LIN7A: variants seen among roughly 807,000 people sequenced by gnomAD.
LIN7A encodes protein lin-7 homolog A.
Under a neutral mutation model 29.8 loss-of-function variants are expected in LIN7A, and 25 were observed. The ratio of observed to expected loss-of-function variants is 0.84; its 90% CI spans 0.61 to 1.17. LIN7A has a LOEUF of 1.17. LIN7A is among the 50% of genes most tolerant of loss of function. The pLI, the probability that LIN7A is intolerant of heterozygous loss-of-function variation, is 0.00. For synonymous variants in LIN7A, 118 were observed against 107.5 expected (o/e 1.10, Z -0.60); for missense variants, 239 against 287.0 (o/e 0.83, Z 1.21).
intron 2 of LIN7A, among the ~76,000 whole-genome samples, chr12:80,885,815 T>C (rs1383650651): frequency 6.6e-6 from 1 of 152,114 alleles, no homozygotes; most frequent in Non-Finnish European, 1.5e-5. Flanking sequence ...ATTCTCTTCA[T>C]ACAGGTGCTG....
At chr12:80,888,568 G>A (rs1875455822) in intron 2 of LIN7A, among the ~76,000 whole-genome samples, 1 of 152,084 alleles carries the variant, frequency 6.6e-6, no homozygotes, top group Admixed American at 6.6e-5. Flanking sequence ...TCTAACTAAT[G>A]AATTATTACC....
chr12:80,936,883 G>A (rs1393852994), intron 1 of LIN7A: 2 of 152,244 alleles, frequency 1.3e-5, no homozygotes, highest in Non-Finnish European at 2.9e-5. Flanking sequence ...CGGTGGCACC[G>A]AGCTGGGAGA....
At chr12:80,892,930 T>C (rs1408444230) in intron 1 of LIN7A, among the ~76,000 whole-genome samples, 1 of 152,130 alleles carries the variant, frequency 6.6e-6, no homozygotes, top group Admixed American at 6.5e-5. Context: ...TAAACACGAA[T>C]GTGTTTAAGA....
chr12:80,893,275 G>A (rs1323106794), intron 1 of LIN7A, among the ~76,000 whole-genome samples: 3 of 152,176 alleles, frequency 2.0e-5, no homozygotes, highest in Non-Finnish European at 4.4e-5. Context: ...TAAGGCGGTC[G>A]TTAGCAAAGG....
chr12:80,894,504 T>A (rs1349161330), intron 1 of LIN7A, among the ~76,000 whole-genome samples: 1 of 152,202 alleles, frequency 6.6e-6, no homozygotes, highest in East Asian at 1.9e-4. Flanking sequence ...AATTTAAAAT[T>A]TATGCATTGC....
At chr12:80,875,362 G>C (rs1874631244) in intron 2 of LIN7A, among the ~76,000 whole-genome samples, 1 of 152,188 alleles carries the variant, frequency 6.6e-6, no homozygotes. Context: ...CAAAGGCAAA[G>C]AAAGCATAGC....
intron 4 of LIN7A, among the ~76,000 whole-genome samples, chr12:80,830,286 A>G (rs568180228): frequency 2.0e-5 from 3 of 152,370 alleles, no homozygotes; most frequent in South Asian, 4.1e-4. Context: ...TTTAAACACT[A>G]AAATAGAAAA....
intron 1 of LIN7A, among the ~76,000 whole-genome samples, chr12:80,906,593 A>T (rs1479000404): frequency 5.3e-5 from 8 of 151,762 alleles, no homozygotes; most frequent in African/African-American, 1.9e-4. Flanking sequence ...CTGTCTAATC[A>T]CTGTGGCATC....
chr12:80,819,376 A>C (rs1438984572), intron 4 of LIN7A, among the ~76,000 whole-genome samples: 1 of 152,206 alleles, frequency 6.6e-6, no homozygotes, highest in Non-Finnish European at 1.5e-5. Flanking sequence ...TATCACATTT[A>C]TCTCTTGGAA....
rs543882431 is a variant in LIN7A at position 80,848,072 on chromosome 12, C to T, written c.273+179G>A. On this transcript the variant is annotated intron_variant, in intron 3 of 5. Coordinates refer to ENST00000552864, the MANE Select transcript of LIN7A (RefSeq NM_004664.4). ...TCTTAAGCTACAGAAGCAGCAGAAA[C>T]GTTCAATTTTCCATTAGGATTTTTA... 31 of 687,348 alleles carry T rather than the reference C, an allele frequency of 4.5e-5. 1 individual carries two copies. In the Admixed American group the frequency reaches 5.9e-4, roughly 13 times the overall value. The allele number at this position is 687,348 out of a possible 1,614,324, so 42.6% of individuals were successfully genotyped here.
intron 5 of LIN7A, among the ~76,000 whole-genome samples, chr12:80,804,209 T>G (rs1870861197): frequency 6.6e-6 from 1 of 152,232 alleles, no homozygotes; most frequent in Non-Finnish European, 1.5e-5. Flanking sequence ...TATTTATCCT[T>G]TGTGTTACAA....
At chr12:80,863,654 C>A (rs2120429777) in intron 2 of LIN7A, among the ~76,000 whole-genome samples, 1 of 152,268 alleles carries the variant, frequency 6.6e-6, no homozygotes, top group Non-Finnish European at 1.5e-5. Flanking sequence ...GAAAACATAT[C>A]TTGATGTAGT....
intron 2 of LIN7A, among the ~76,000 whole-genome samples, chr12:80,886,208 T>G (rs1163143372): frequency 3.9e-5 from 6 of 152,128 alleles, no homozygotes; most frequent in African/African-American, 1.4e-4. Flanking sequence ...TTCAAAGTTT[T>G]TTTTTTTTGC....
intron 5 of LIN7A, 68 bp downstream of exon 5, chr12:80,811,397 A>C (rs570986465): frequency 1.6e-6 from 1 of 616,914 alleles, no homozygotes; most frequent in South Asian, 2.1e-5. Flanking sequence ...AAGTATATTC[A>C]TATATACATA....
Position 80,889,375 on chromosome 12 carries a change from TG to T in LIN7A, c.83-7del, listed in dbSNP as rs778049012. 8 of 1,473,310 alleles carry T rather than the reference TG, an allele frequency of 5.4e-6. No homozygotes were observed. The African/African-American group carries it at 1.1e-4, about 21-fold the overall frequency. The allele number at this position is 1,473,310 out of a possible 1,614,324, so 91.3% of individuals were successfully genotyped here. A position where few individuals can be genotyped will look rare whatever the true frequency, so the allele number is the denominator to read the frequency against. On this transcript the variant is annotated splice_region_variant and splice_polypyrimidine_tract_variant and intron_variant, in intron 1 of 5. Transcript: ENST00000552864. ...TTCAATTGCTCTTGCAACATCTGAA[TG>T]AAAAAAAATGAAAATAGAGAAACCT...
At chr12:80,869,393 T>A (rs1874311941) in intron 2 of LIN7A, among the ~76,000 whole-genome samples, 1 of 152,092 alleles carries the variant, frequency 6.6e-6, no homozygotes, top group Non-Finnish European at 1.5e-5. Flanking sequence ...CTATCACACT[T>A]CTAACCAGCT....
At chr12:80,894,879 A>T (rs1875804787) in intron 1 of LIN7A, among the ~76,000 whole-genome samples, 1 of 152,208 alleles carries the variant, frequency 6.6e-6, no homozygotes, top group Non-Finnish European at 1.5e-5. Context: ...ACAGTTAAAG[A>T]AAAATAAAAA....
chr12:80,886,388 C>G (rs921924626), intron 2 of LIN7A, among the ~76,000 whole-genome samples: 1 of 151,886 alleles, frequency 6.6e-6, no homozygotes, highest in South Asian at 2.1e-4. Context: ...AATTGAAGAC[C>G]TTTTCACTAG....
chr12:80,853,639 TAA>T lies in LIN7A; in HGVS notation c.202-5319_202-5318del, dbSNP rs55657515. Among the ~76,000 whole-genome samples the T allele has an allele frequency of 3.6e-3, 535 of 149,810 alleles. 2 individuals are homozygous for T. Among genetic ancestry groups the T allele is most frequent in the African/African-American group, 4.4e-3 (180 of 40,950 alleles). The stretch of plus-strand genomic sequence containing the variant: ...TACACACTTATTAGAATGTGTAGGT[TAA>T]AAAAAAAAAACATACTGACGATATC... On this transcript the variant is annotated intron_variant, in intron 2 of 5. Coordinates refer to ENST00000552864, the MANE Select transcript of LIN7A (RefSeq NM_004664.4).
Sources: gnomAD v4.1 joint callset for allele counts (sites outside exome capture counted in the v4.1 genomes callset) on GRCh38, gnomAD v4.1.1 for gene constraint, MANE v1.5 for transcripts, NCBI Gene and HGNC (gene_info 2026-07-23, HGNC 2026-07-21) for gene names.